PLAC1: variants seen among roughly 807,000 people sequenced by gnomAD.
PLAC1 encodes the protein placenta-specific protein 1.
For missense variants in PLAC1, 136 were observed against 163.2 expected, an observed-to-expected ratio of 0.83 and a Z score of 0.91; for synonymous variants, 68 against 62.1, an observed-to-expected ratio of 1.09 and a Z score of -0.44.
intron 2 of PLAC1, among the ~76,000 whole-genome samples, chrX:134,697,135 A>G (rs1371554875): frequency 9.0e-6 from 1 of 111,061 alleles, no homozygotes; most frequent in East Asian, 2.8e-4. Context: ...CTTCACTCCT[A>G]GTTCACCTTT....
chrX:134,622,346 C>T (rs2078215006), intron 1 of PLAC1, among the ~76,000 whole-genome samples: 1 of 110,721 alleles, frequency 9.0e-6, no homozygotes, highest in South Asian at 3.9e-4. Flanking sequence ...TATTTTCCAT[C>T]CCCCTCCTCC....
At chrX:134,751,519 C>T (rs7054090) in intron 1 of PLAC1, among the ~76,000 whole-genome samples, 3,683 of 111,677 alleles carry the variant, frequency 0.033, 39 homozygotes, top group Middle Eastern at 0.047. Flanking sequence ...GACTTCCGAC[C>T]TTCTCGACAG....
chrX:134,678,308 T>C (rs1436131447), intron 2 of PLAC1, among the ~76,000 whole-genome samples: 1 of 111,853 alleles, frequency 8.9e-6, no homozygotes, highest in Middle Eastern at 4.6e-3. Context: ...CTGGTCACTG[T>C]CTGTGCAACA....
At chrX:134,668,549 C>T (rs1365518654) in intron 2 of PLAC1, among the ~76,000 whole-genome samples, 1 of 112,614 alleles carries the variant, frequency 8.9e-6, no homozygotes, top group African/African-American at 3.2e-5. Flanking sequence ...TATTCTGGAT[C>T]CTGGGCATCA....
chrX:134,577,410 C>T (rs1332817953), intron 2 of PLAC1, among the ~76,000 whole-genome samples: 3 of 111,690 alleles, frequency 2.7e-5, no homozygotes, highest in Non-Finnish European at 5.6e-5. Context: ...GATCTTTGGC[C>T]GGGTGCAGTG....
intron 2 of PLAC1, among the ~76,000 whole-genome samples, chrX:134,731,188 T>G (rs965034202): frequency 1.8e-5 from 2 of 112,383 alleles, no homozygotes; most frequent in African/African-American, 6.5e-5. Flanking sequence ...CTGTGCTACA[T>G]TGTTTTTAAT....
At chrX:134,578,443 A>AC (rs1319175679) in intron 2 of PLAC1, among the ~76,000 whole-genome samples, 15 of 103,885 alleles carry the variant, frequency 1.4e-4, no homozygotes, top group African/African-American at 5.2e-4. Flanking sequence ...AAGAAAAAAA[A>AC]ACTCAGAATG....
intron 1 of PLAC1, among the ~76,000 whole-genome samples, chrX:134,619,337 G>A (rs2078199676): frequency 8.9e-6 from 1 of 112,114 alleles, no homozygotes; most frequent in Non-Finnish European, 1.9e-5. Context: ...CAGACCCCAT[G>A]TTTAAAACTC....
In PLAC1 at chrX:134,615,516, T is replaced by C. The variant is rs756142248; in HGVS notation, c.-130-13394A>G. On this transcript the variant is annotated intron_variant, in intron 1 of 2. Transcript: ENST00000359237. ...TTAGATATATTATTTGCAAATATTT[T>C]CCCCCAATCTGTAGGCTGCCTTTTC... is the stretch of plus-strand genomic sequence containing the variant. Among the ~76,000 whole-genome samples, 8 of 112,065 alleles carry C rather than the reference T, an allele frequency of 7.1e-5. No homozygotes were observed. In the East Asian group the frequency reaches 1.1e-3, roughly 16 times the overall value.
chrX:134,688,828 C>T (rs1431430842), intron 2 of PLAC1, among the ~76,000 whole-genome samples: 1 of 111,886 alleles, frequency 8.9e-6, no homozygotes, highest in African/African-American at 3.2e-5. Context: ...TTTCCTGTAA[C>T]CCAAGGGCCA....
chrX:134,624,343 T>C (rs2078225069), intron 1 of PLAC1, among the ~76,000 whole-genome samples: 1 of 111,840 alleles, frequency 8.9e-6, no homozygotes, highest in Admixed American at 9.5e-5. Context: ...AATGTTCCTA[T>C]AACCTTCCTT....
At chrX:134,611,883 A>G (rs746541407) in intron 1 of PLAC1, among the ~76,000 whole-genome samples, 29 of 111,363 alleles carry the variant, frequency 2.6e-4, no homozygotes, top group Non-Finnish European at 5.3e-4. Context: ...CATGGGTGCT[A>G]TGGTTTCTCA....
rs189121540 is a variant in PLAC1 at position 134,591,855 on chromosome X, G to C, written c.-59+10196C>G. On this transcript the variant is annotated intron_variant, in intron 2 of 2. Transcript: ENST00000359237. The stretch of plus-strand genomic sequence containing the variant: ...TTTCAGCTGTTCTAATAGGTATGTA[G>C]TGACATCTCATTGAAGTATTAATTT... Among the ~76,000 whole-genome samples, 38 of 112,060 alleles carry C rather than the reference G, an allele frequency of 3.4e-4. No homozygotes were observed. The South Asian group carries it at 5.2e-3, about 15-fold the overall frequency.
chrX:134,739,120 G>T (rs1198747159), intron 1 of PLAC1, among the ~76,000 whole-genome samples: 2 of 111,779 alleles, frequency 1.8e-5, no homozygotes, highest in Admixed American at 1.9e-4. Context: ...TTTAAGACTC[G>T]TGGGAACAGT....
At chrX:134,704,621 T>C (rs2078595596) in intron 2 of PLAC1, among the ~76,000 whole-genome samples, 1 of 105,929 alleles carries the variant, frequency 9.4e-6, no homozygotes, top group Admixed American at 1.0e-4. Context: ...TAAAGTATTC[T>C]ACTTTAATAT....
intron 1 of PLAC1, among the ~76,000 whole-genome samples, chrX:134,621,401 G>A (rs183727196): frequency 3.2e-5 from 3 of 92,648 alleles, no homozygotes; most frequent in African/African-American, 8.3e-5. Flanking sequence ...AGCCGAGATC[G>A]TGCCACTGCA....
chrX:134,630,113 G>C (rs1350971242), intron 1 of PLAC1, among the ~76,000 whole-genome samples: 1 of 108,689 alleles, frequency 9.2e-6, no homozygotes, highest in Non-Finnish European at 1.9e-5. Context: ...CTGGGATTAC[G>C]GGCATGCGCC....
chrX:134,719,878 C>T (rs1015672416), intron 2 of PLAC1, among the ~76,000 whole-genome samples: 11 of 111,639 alleles, frequency 9.9e-5, no homozygotes, highest in African/African-American at 3.6e-4. Flanking sequence ...CTATGAAAAA[C>T]CCACAACTAA....
At chrX:134,729,085 C>T (rs1242661623) in intron 2 of PLAC1, among the ~76,000 whole-genome samples, 1 of 111,951 alleles carries the variant, frequency 8.9e-6, no homozygotes, top group African/African-American at 3.2e-5. Context: ...TAAAAAGCTC[C>T]TTGAGAACAG....
Sources: gnomAD v4.1 joint callset for allele counts (sites outside exome capture counted in the v4.1 genomes callset) on GRCh38, gnomAD v4.1.1 for gene constraint, MANE v1.5 for transcripts, NCBI Gene and HGNC (gene_info 2026-07-23, HGNC 2026-07-21) for gene names.